TMA16: variants seen among roughly 807,000 people sequenced by gnomAD.
TMA16 encodes the protein translation machinery associated 16 homolog.
A neutral mutation model predicts 27.1 loss-of-function variants in TMA16; 26 were observed. The ratio of observed to expected loss-of-function variants is 0.96; its 90% CI spans 0.70 to 1.33. TMA16 has a LOEUF of 1.33. Ranked by LOEUF, TMA16 falls within the 40% of genes most tolerant of loss-of-function variation. TMA16 has a pLI of 0.00. For missense variants in TMA16, 233 were observed against 241.4 expected, an observed-to-expected ratio of 0.97 and a Z score of 0.23; for synonymous variants, 71 against 81.9, an observed-to-expected ratio of 0.87 and a Z score of 0.72.
chr4:163,514,971 C>G (rs948141498), intron 4 of TMA16, among the ~76,000 whole-genome samples: 2 of 148,954 alleles, frequency 1.3e-5, no homozygotes, highest in Admixed American at 6.7e-5. Context: ...ATAGGGAACC[C>G]AGGAGATGGA....
At chr4:163,509,271 A>G (rs1737758512) in intron 2 of TMA16, among the ~76,000 whole-genome samples, 1 of 152,176 alleles carries the variant, frequency 6.6e-6, no homozygotes, top group South Asian at 2.1e-4. Flanking sequence ...TCAAAAGATG[A>G]TTGGTGACAA....
rs1737936449 is a variant in TMA16, at chr4:163,519,476, T to A, written c.574T>A (p.Ser192Thr). 2 of 1,602,298 alleles carry A rather than the reference T, an allele frequency of 1.2e-6. No individual in the cohort carries two copies. Among genetic ancestry groups the A allele is most frequent in the East Asian group, 4.5e-5 (2 of 44,286 alleles). ...DLGELELNDESSDSDEEMTAV... is the reference protein window; with the variant it reads ...DLGELELNDETSDSDEEMTAV... ...GGGGGAATTGGAACTAAACGATGAA[T>A]CAAGTGATTCAGATGAGGAAATGAC... is the stretch of plus-strand genomic sequence containing the variant. The change falls in exon 7 of 7, where the codon TCA becomes ACA. Residue 192 changes from serine (S) to threonine (T), a missense_variant. Transcript: ENST00000358572.
chr4:163,511,098 G>A (rs1462649665), intron 2 of TMA16, among the ~76,000 whole-genome samples: 1 of 152,130 alleles, frequency 6.6e-6, no homozygotes, highest in African/African-American at 2.4e-5. Context: ...AAGAATTGCT[G>A]GATCATTTGG....
intron 1 of TMA16, among the ~76,000 whole-genome samples, chr4:163,498,131 A>G (rs1737588068): frequency 6.6e-6 from 1 of 151,996 alleles, no homozygotes; most frequent in South Asian, 2.1e-4. Context: ...TGCTTCTGTA[A>G]CTTACTTAAC....
intron 1 of TMA16, among the ~76,000 whole-genome samples, chr4:163,504,727 G>A (rs1737696687): frequency 6.6e-6 from 1 of 152,090 alleles, no homozygotes; most frequent in South Asian, 2.1e-4. Flanking sequence ...TGAACTCCAG[G>A]CCACAAGTGA....
At chr4:163,497,005 G>A (rs1560910890) in intron 1 of TMA16, among the ~76,000 whole-genome samples, 1 of 152,136 alleles carries the variant, frequency 6.6e-6, no homozygotes, top group Non-Finnish European at 1.5e-5. Flanking sequence ...GCACCCATGG[G>A]TATACTCCTT....
chr4:163,520,311 A>G lies in TMA16; in HGVS notation c.*797A>G, dbSNP rs1475098878. ...TATATCATTCAGTGTCATGAAAAAC[A>G]TGAATGTTGTACAATTTTCTTCCTC... On this transcript the variant is annotated 3_prime_UTR_variant, in exon 7 of 7. Transcript: ENST00000358572. 1 of 179,412 alleles carries G rather than the reference A, an allele frequency of 5.6e-6. No homozygotes were observed. The highest frequency in any genetic ancestry group is 2.4e-5 in the African/African-American group (1 of 42,476). 11.1% of individuals were successfully genotyped at this position (179,412 alleles called of 1,614,324 possible).
chr4:163,495,664 A>G (rs906595159), intron 1 of TMA16, among the ~76,000 whole-genome samples: 3 of 152,196 alleles, frequency 2.0e-5, no homozygotes, highest in African/African-American at 7.2e-5. Flanking sequence ...GCAAAATTTT[A>G]AAAGTTTATA....
At chr4:163,502,744 T>G (rs1737664965) in intron 1 of TMA16, among the ~76,000 whole-genome samples, 1 of 152,196 alleles carries the variant, frequency 6.6e-6, no homozygotes, top group Non-Finnish European at 1.5e-5. Flanking sequence ...ATTTATGTGT[T>G]AAGGAAGGAA....
rs954261591 is a variant in TMA16 at position 163,520,013 on chromosome 4, A to G, written c.*499A>G. On this transcript the variant is annotated 3_prime_UTR_variant, in exon 7 of 7. Coordinates refer to ENST00000358572, the MANE Select transcript of TMA16 (RefSeq NM_018352.3). The stretch of plus-strand genomic sequence containing the variant: ...GGAAAATGTGATAAGAAGTTTGTAT[A>G]CATTTCTGGATTATAGATTATTATT... 1 of 610,864 alleles carries G rather than the reference A, an allele frequency of 1.6e-6. No individual in the cohort carries two copies. Among genetic ancestry groups the G allele is most frequent in the Non-Finnish European group, 3.0e-6 (1 of 333,470 alleles). The allele number at this position is 610,864 out of a possible 1,614,324, so 37.8% of individuals were successfully genotyped here. A position where few individuals can be genotyped will look rare whatever the true frequency, so the allele number is the denominator to read the frequency against.
chr4:163,511,417 T>A (rs1737795604), intron 2 of TMA16, among the ~76,000 whole-genome samples: 1 of 152,126 alleles, frequency 6.6e-6, no homozygotes, highest in South Asian at 2.1e-4. Flanking sequence ...GGTTAATCTG[T>A]TGTTAAGTAG....
chr4:163,495,232 C>T (rs147904519), intron 1 of TMA16, among the ~76,000 whole-genome samples: 139 of 152,304 alleles, frequency 9.1e-4, no homozygotes, highest in African/African-American at 3.3e-3. Flanking sequence ...CCGTTCACCT[C>T]TCGTTAGTGC....
chr4:163,514,122 G>A lies in TMA16; in HGVS notation c.203G>A (p.Arg68Lys). Residue 68 changes from arginine (R) to lysine (K), a missense_variant, in exon 4 of 7, where the codon AGA becomes AAA. Arg to Lys is a conservative substitution (Grantham distance 26). Transcript: ENST00000358572. ...AATCATCTTGATCCCCAAAAAAAGAGATATTCAAAGAAAGATGCTTGTGAA... is the reference window on the plus strand; with the variant it reads ...AATCATCTTGATCCCCAAAAAAAGAAATATTCAAAGAAAGATGCTTGTGAA... ...FQNHLDPQKK[R>K]YSKKDACELI... is the part of the protein sequence containing the mutation. The A allele has an allele frequency of 6.2e-7, 1 of 1,609,568 alleles. No individual in the cohort carries two copies. Among genetic ancestry groups the A allele is most frequent in the Non-Finnish European group, 8.5e-7 (1 of 1,178,190 alleles).
intron 1 of TMA16, 56 bp from the exon 2 acceptor site, chr4:163,506,977 G>A: frequency 1.5e-6 from 2 of 1,340,704 alleles, no homozygotes; most frequent in Non-Finnish European, 2.0e-6. Flanking sequence ...ATATTTTTGG[G>A]ACTGAAGGCA....
intron 6 of TMA16, among the ~76,000 whole-genome samples, 193 bp from the exon 7 acceptor site, chr4:163,519,141 G>T (rs1737928584): frequency 6.6e-6 from 1 of 152,076 alleles, no homozygotes; most frequent in South Asian, 2.1e-4. Flanking sequence ...CATGAGAGAA[G>T]GAGATACTCA....
At chr4:163,515,944 C>G (rs555066829) in intron 5 of TMA16, 1 of 156,602 alleles carries the variant, frequency 6.4e-6, no homozygotes, top group African/African-American at 2.4e-5. Context: ...CAGTCACTTT[C>G]ATAGTCCACA....
intron 1 of TMA16, among the ~76,000 whole-genome samples, chr4:163,502,665 A>G (rs774404608): frequency 2.0e-5 from 3 of 152,198 alleles, no homozygotes; most frequent in Non-Finnish European, 4.4e-5. Context: ...AGGCTTATGT[A>G]TGGAACTATT....
chr4:163,499,150 C>T (rs533887702), intron 1 of TMA16, among the ~76,000 whole-genome samples: 3 of 152,188 alleles, frequency 2.0e-5, no homozygotes, highest in South Asian at 4.1e-4. Context: ...TTTTAAATAA[C>T]ACTTGTTTTT....
intron 1 of TMA16, among the ~76,000 whole-genome samples, chr4:163,505,729 CTG>C (rs1248726161): frequency 2.0e-5 from 3 of 152,266 alleles, no homozygotes; most frequent in Admixed American, 1.3e-4. Context: ...TGGGACCTAA[CTG>C]TGAGCTAGTA....
Sources: gnomAD v4.1 joint callset for allele counts (sites outside exome capture counted in the v4.1 genomes callset) on GRCh38, gnomAD v4.1.1 for gene constraint, MANE v1.5 for transcripts, NCBI Gene and HGNC (gene_info 2026-07-23, HGNC 2026-07-21) for gene names.